The following TMPRSS7 variants were observed in gnomAD, a reference collection of about 807,000 sequenced individuals.
TMPRSS7 encodes transmembrane serine protease 7.
In TMPRSS7, 81 loss-of-function variants were observed where a neutral mutation model predicts 95.6. The ratio of observed to expected loss-of-function variants is 0.85; its 90% CI spans 0.71 to 1.02. The LOEUF is 1.02. Among genes scored for constraint, TMPRSS7 ranks in the 50% least tolerant of loss-of-function variants. TMPRSS7 has a pLI of 0.00. For synonymous variants in TMPRSS7, 364 were observed against 337.8 expected (o/e 1.08, Z -0.85); for missense variants, 945 against 955.2 (o/e 0.99, Z 0.14).
intron 13 of TMPRSS7, among the ~76,000 whole-genome samples, chr3:112,068,833 G>A (rs1291050115): frequency 1.3e-5 from 2 of 152,030 alleles, no homozygotes; most frequent in African/African-American, 4.8e-5. Context: ...CTGCCTGATT[G>A]CCCTGGCCAG....
At chr3:112,054,242 A>T (rs982703248) in intron 9 of TMPRSS7, among the ~76,000 whole-genome samples, 2 of 152,244 alleles carry the variant, frequency 1.3e-5, no homozygotes, top group African/African-American at 4.8e-5. Flanking sequence ...ACCATCACTG[A>T]CTAGAGAAAT....
At chr3:112,056,072 GTGGGCAA>G (rs1450041121) in intron 9 of TMPRSS7, among the ~76,000 whole-genome samples, 12 of 152,208 alleles carry the variant, frequency 7.9e-5, no homozygotes, top group Middle Eastern at 3.4e-3. Context: ...AAGCAAAGAA[GTGGGCAA>G]TGCTTAAATA....
intron 7 of TMPRSS7, 60 bp from the exon 8 acceptor site, chr3:112,049,784 G>T: frequency 7.2e-7 from 1 of 1,379,710 alleles, no homozygotes. Flanking sequence ...GTTTTGAATG[G>T]AGACCCATTT....
At chr3:112,046,652 ATTTG>A (rs1279444570) in intron 5 of TMPRSS7, among the ~76,000 whole-genome samples, 1 of 152,200 alleles carries the variant, frequency 6.6e-6, no homozygotes, top group African/African-American at 2.4e-5. Context: ...CTAATATCAT[ATTTG>A]TTTGGTTGCT....
chr3:112,052,201 T>C (rs2073369472), intron 9 of TMPRSS7, among the ~76,000 whole-genome samples: 1 of 152,122 alleles, frequency 6.6e-6, no homozygotes, highest in Admixed American at 6.5e-5. Flanking sequence ...AGGTGTTTGT[T>C]ATCTTAAATA....
intron 16 of TMPRSS7, among the ~76,000 whole-genome samples, 154 bp downstream of exon 16, chr3:112,077,298 A>C (rs898581469): frequency 2.6e-5 from 4 of 152,098 alleles, no homozygotes; most frequent in Admixed American, 6.5e-5. Flanking sequence ...GGGTACTGTT[A>C]TTTCTTTTTA....
chr3:112,042,606 T>G (rs559753609), intron 3 of TMPRSS7, among the ~76,000 whole-genome samples: 6 of 152,358 alleles, frequency 3.9e-5, no homozygotes, highest in African/African-American at 9.6e-5. Context: ...TGGAATATTA[T>G]ATTCAGTTTT....
At chr3:112,050,390 C>A (rs950424714) in intron 8 of TMPRSS7, among the ~76,000 whole-genome samples, 1 of 152,044 alleles carries the variant, frequency 6.6e-6, no homozygotes. Context: ...TCTCTGAGTT[C>A]AGAACTATGT....
chr3:112,076,164 C>A (rs1257053633), intron 15 of TMPRSS7, among the ~76,000 whole-genome samples: 3 of 152,296 alleles, frequency 2.0e-5, no homozygotes, highest in East Asian at 3.9e-4. Flanking sequence ...ATCAGCTAAG[C>A]AAATTAGTGA....
exon 11 of TMPRSS7, chr3:112,061,898 A>G: frequency 6.2e-7 from 1 of 1,611,130 alleles, no homozygotes; most frequent in South Asian, 1.1e-5. Context: ...TTTTGGCAGA[A>G]TATGGCAGTT....
At chr3:112,038,734 G>T (rs2073176258) in intron 2 of TMPRSS7, among the ~76,000 whole-genome samples, 2 of 152,104 alleles carry the variant, frequency 1.3e-5, no homozygotes, top group South Asian at 4.2e-4. Context: ...CTCCCACCTT[G>T]GCCTTCCAAA....
intron 3 of TMPRSS7, among the ~76,000 whole-genome samples, chr3:112,042,281 T>C (rs2073218680): frequency 6.6e-6 from 1 of 152,154 alleles, no homozygotes; most frequent in Admixed American, 6.5e-5. Context: ...AATGGCTCTC[T>C]CAGCTTCAGT....
At chr3:112,079,446 C>T (rs959874775) in intron 17 of TMPRSS7, among the ~76,000 whole-genome samples, 1 of 152,146 alleles carries the variant, frequency 6.6e-6, no homozygotes, top group African/African-American at 2.4e-5. Context: ...AACCCACGGC[C>T]CACAGGCCAC....
At chr3:112,077,262 C>T in intron 16 of TMPRSS7, 118 bp downstream of exon 16, 1 of 1,149,458 alleles carries the variant, frequency 8.7e-7, no homozygotes, top group Non-Finnish European at 1.2e-6. Flanking sequence ...AACCTCCTGA[C>T]AACTCTGGAA....
At chr3:112,058,425 CTTT>C (rs1559958372) in intron 10 of TMPRSS7, among the ~76,000 whole-genome samples, 1 of 152,132 alleles carries the variant, frequency 6.6e-6, no homozygotes. Flanking sequence ...TATTTAACTT[CTTT>C]GAGTTTTGGT....
At chr3:112,040,958 T>A (rs755059904) in intron 2 of TMPRSS7, among the ~76,000 whole-genome samples, 10 of 152,044 alleles carry the variant, frequency 6.6e-5, no homozygotes, top group Non-Finnish European at 8.8e-5. Context: ...GAATGCTAAA[T>A]TAATTGATCT....
chr3:112,042,999 G>C (rs1038289883), intron 3 of TMPRSS7: 4 of 455,726 alleles, frequency 8.8e-6, no homozygotes, highest in African/African-American at 8.0e-5. Context: ...TGGTGAGAGA[G>C]AGGGCACATC....
At chr3:112,076,819 C>A (rs1396988755) in intron 15 of TMPRSS7, 57 bp from the exon 16 acceptor site, 3 of 1,573,236 alleles carry the variant, frequency 1.9e-6, no homozygotes, top group African/African-American at 1.3e-5. Context: ...TGCTTGTTTG[C>A]AAACTGTATG....
intron 10 of TMPRSS7, among the ~76,000 whole-genome samples, chr3:112,061,053 C>G (rs1169688577): frequency 6.6e-6 from 1 of 152,164 alleles, no homozygotes; most frequent in Non-Finnish European, 1.5e-5. Flanking sequence ...TGCTGTCTCC[C>G]ATCAAGATCT....
Sources: allele counts gnomAD v4.1 joint callset (sites outside exome capture counted in the v4.1 genomes callset), GRCh38; gene constraint gnomAD v4.1.1; transcripts MANE v1.5; gene names NCBI Gene and HGNC (gene_info 2026-07-23, HGNC 2026-07-21).